Variants in OR4M1 observed in about 807,000 individuals in gnomAD.
OR4M1 encodes olfactory receptor 4M1.
Under a neutral mutation model 9.8 loss-of-function variants are expected in OR4M1, and 7 were observed. That is an observed-to-expected ratio of 0.71 (90% CI 0.41 to 1.34). The LOEUF is 1.34. Ranked by LOEUF, OR4M1 falls within the 40% of genes most tolerant of loss-of-function variation. The probability of loss-of-function intolerance (pLI) is 0.01; values close to 1 mark genes in which losing one functional copy is unlikely to be tolerated. For missense variants in OR4M1, 331 were observed against 380.4 expected (o/e 0.87, Z 1.08); for synonymous variants, 121 against 139.8 (o/e 0.87, Z 0.95).
At chr14:19,778,652 C>T (rs1878378824) in intron 1 of OR4M1, among the ~76,000 whole-genome samples, 1 of 152,210 alleles carries the variant, frequency 6.6e-6, no homozygotes, top group South Asian at 2.1e-4. Context: ...TAGTATATAA[C>T]TAGCTCAAGC....
chr14:19,775,998 C>T (rs1878299759), intron 1 of OR4M1, among the ~76,000 whole-genome samples: 1 of 152,090 alleles, frequency 6.6e-6, no homozygotes, highest in East Asian at 1.9e-4. Flanking sequence ...TTATTTATGA[C>T]ACTCGAGGTC....
rs1878495512 is a variant in OR4M1 at position 19,781,411 on chromosome 14, A to G, written c.*147A>G. 1.3e-5 allele frequency: 10 copies of G among 780,526 alleles called. No homozygotes were observed. The highest frequency in any genetic ancestry group is 3.2e-5 in the Admixed American group (1 of 30,874). 48.4% of individuals were successfully genotyped at this position (780,526 alleles called of 1,614,324 possible). A position where few individuals can be genotyped will look rare whatever the true frequency, so the allele number is the denominator to read the frequency against. On this transcript the variant is annotated 3_prime_UTR_variant, in exon 2 of 2. Coordinates refer to ENST00000641200, the MANE Select transcript of OR4M1 (RefSeq NM_001005500.2). ...TTTTTCTCTATTAATTCCTCTTTAT[A>G]TTGAAAAAATAGAGGCATTAAGATG... is the stretch of plus-strand genomic sequence containing the variant.
rs1231861359 is a variant in OR4M1 at position 19,782,366 on chromosome 14, A to G, written c.*1102A>G. The G allele has an allele frequency of 2.6e-5, 4 of 152,248 alleles. No individual in the cohort carries two copies. Among genetic ancestry groups the G allele is most frequent in the African/African-American group, 9.6e-5 (4 of 41,468 alleles). 9.4% of individuals were successfully genotyped at this position (152,248 alleles called of 1,614,324 possible). A position where few individuals can be genotyped will look rare whatever the true frequency, so the allele number is the denominator to read the frequency against. On this transcript the variant is annotated 3_prime_UTR_variant, in exon 2 of 2. Coordinates refer to ENST00000641200, the MANE Select transcript of OR4M1 (RefSeq NM_001005500.2). Reference sequence around the variant, plus strand: ...TAGGTTATGTTTTTTACTTAAATTTATTAGTTTTTCATTTCAAAACTAGGA... The same window carrying G: ...TAGGTTATGTTTTTTACTTAAATTTGTTAGTTTTTCATTTCAAAACTAGGA...
intron 1 of OR4M1, among the ~76,000 whole-genome samples, chr14:19,775,735 T>C (rs1878292386): frequency 6.8e-6 from 1 of 147,452 alleles, no homozygotes; most frequent in Non-Finnish European, 1.5e-5. Flanking sequence ...TAATAATATA[T>C]TAATGTATAT....
In OR4M1 at chr14:19,780,482, C is replaced by T. The variant is rs1165048174; in HGVS notation, c.160C>T (p.His54Tyr). 4 of 1,614,086 alleles carry T rather than the reference C, an allele frequency of 2.5e-6. No homozygotes were observed. Among genetic ancestry groups the T allele is most frequent in the South Asian group, 2.2e-5 (2 of 91,090 alleles). Residue 54 changes from histidine (H) to tyrosine (Y), a missense_variant, in exon 2 of 2, where the codon CAT becomes TAT. His to Tyr is a moderately conservative substitution (Grantham distance 83). This residue lies in a region of OR4M1 where 209 missense variants were observed against 200.0 expected (regional missense o/e 1.04). Coordinates refer to ENST00000641200, the MANE Select transcript of OR4M1 (RefSeq NM_001005500.2). ...CATTTGCACCATCAGGCTAGACCCT[C>T]ATCTGACTTCTCCTATGTATTTCCT... The part of the protein sequence containing the change: ...LIICTIRLDP[H>Y]LTSPMYFLLA...
chr14:19,779,684 T>C (rs999723281), intron 1 of OR4M1, among the ~76,000 whole-genome samples: 2 of 152,212 alleles, frequency 1.3e-5, no homozygotes, highest in African/African-American at 4.8e-5. Context: ...AAGAATTTTT[T>C]ATATAGGGCC....
chr14:19,774,681 G>T (rs1275733988), intron 1 of OR4M1, among the ~76,000 whole-genome samples: 1 of 152,150 alleles, frequency 6.6e-6, no homozygotes, highest in Admixed American at 6.6e-5. Flanking sequence ...AATAGATGAA[G>T]GATTTAAAAA....
At chr14:19,778,768 GT>G in intron 1 of OR4M1, among the ~76,000 whole-genome samples, 1 of 152,276 alleles carries the variant, frequency 6.6e-6, no homozygotes, top group East Asian at 1.9e-4. Context: ...TAAGATCATT[GT>G]TTTTTGGAAT....
intron 1 of OR4M1, among the ~76,000 whole-genome samples, chr14:19,779,230 G>A (rs1375265541): frequency 6.6e-6 from 1 of 152,194 alleles, no homozygotes; most frequent in African/African-American, 2.4e-5. Context: ...TGGTTTTACA[G>A]AACCTTAACT....
Position 19,780,792 on chromosome 14 carries a change from T to C in OR4M1, c.470T>C (p.Ile157Thr), listed in dbSNP as rs143702311. 9.1e-4 allele frequency: 1,466 copies of C among 1,613,878 alleles called. 4 individuals carry two copies. The Middle Eastern group carries it at 0.014, about 16-fold the overall frequency. Residue 157 changes from isoleucine to threonine, a missense_variant, in exon 2 of 2, where the codon ATA becomes ACA. Ile to Thr is a moderately conservative substitution (Grantham distance 89, BLOSUM62 -1). Transcript: ENST00000641200. ...TGGATGGGGGGCTTCATTCATTCTA[T>C]AATACAGGTGGCTCTCATTGTTCGA... ...LSWMGGFIHS[I>T]IQVALIVRLP...
At chr14:19,775,752 ATATT>A (rs1878292899) in intron 1 of OR4M1, among the ~76,000 whole-genome samples, 1 of 147,674 alleles carries the variant, frequency 6.8e-6, no homozygotes, top group African/African-American at 2.5e-5. Flanking sequence ...ATATTACTAT[ATATT>A]AATTTTAATA....
At position 19,780,642 on chromosome 14, in the gene OR4M1, T is replaced by C. The variant is rs200173920; in HGVS notation, c.320T>C (p.Val107Ala). The C allele has an allele frequency of 1.1e-5, 17 of 1,614,140 alleles. No individual in the cohort carries two copies. The African/African-American group carries it at 1.6e-4, about 15-fold the overall frequency. ...CIAQLFFLHF[V>A]GASEMFLLTV... ...GCACAGCTCTTCTTCTTACACTTTG[T>C]TGGGGCTTCGGAGATGTTCTTGCTC... Residue 107 changes from valine to alanine, a missense_variant, in exon 2 of 2, where the codon GTT (valine) becomes GCT (alanine). Around this residue, in one of 2 missense-constraint regions of OR4M1, gnomAD observed 209 missense variants for 200.0 expected, o/e 1.04. Coordinates refer to ENST00000641200, the MANE Select transcript of OR4M1 (RefSeq NM_001005500.2).
At position 19,780,978 on chromosome 14, in the gene OR4M1, C is replaced by T. The variant is rs374347736; in HGVS notation, c.656C>T (p.Ala219Val). Residue 219 changes from alanine to valine, a missense_variant, in exon 2 of 2, where the codon GCC (alanine) becomes GTC (valine). By Grantham distance (64) the Ala-to-Val change is moderately conservative. Coordinates refer to ENST00000641200, the MANE Select transcript of OR4M1 (RefSeq NM_001005500.2). ...VCFIALLMSY[A>V]FLLALLKKHS... ...TTCATTGCTCTGTTAATGTCCTATG[C>T]CTTCCTTCTGGCCTTGCTCAAGAAA... 8 of 1,614,070 alleles carry T rather than the reference C, an allele frequency of 5.0e-6. No homozygotes were observed. The highest frequency in any genetic ancestry group is 5.1e-6 in the Non-Finnish European group (6 of 1,180,022).
At chr14:19,776,332 C>G (rs1001505290) in intron 1 of OR4M1, among the ~76,000 whole-genome samples, 1 of 152,228 alleles carries the variant, frequency 6.6e-6, no homozygotes, top group African/African-American at 2.4e-5. Flanking sequence ...CTCAACATCA[C>G]GCAGATTCTT....
chr14:19,776,989 T>C (rs933644834), intron 1 of OR4M1, among the ~76,000 whole-genome samples: 1 of 143,376 alleles, frequency 7.0e-6, no homozygotes, highest in Non-Finnish European at 1.5e-5. Context: ...CAAATAGTTA[T>C]TGCTGTATTG....
chr14:19,775,805 TATAATA>T (rs1160502968), intron 1 of OR4M1, among the ~76,000 whole-genome samples: 1 of 144,194 alleles, frequency 6.9e-6, no homozygotes, highest in African/African-American at 2.5e-5. Context: ...TTAAATATAA[TATAATA>T]ATAATAATAA....
chr14:19,773,733 T>C (rs1250056363), intron 1 of OR4M1, 140 bp downstream of exon 1: 1 of 152,516 alleles, frequency 6.6e-6, no homozygotes, highest in African/African-American at 2.4e-5. Flanking sequence ...AGGAAATGTC[T>C]TAGGGAACTG....
In OR4M1 at chr14:19,781,137, T is replaced by G; in HGVS notation, c.815T>G (p.Val272Gly). Reference sequence around the variant, plus strand: ...TTTGACTCATTTTCCCTAGATAAAGTGGTGTCTGTGTTTCATACTGTAATA... The same window carrying G: ...TTTGACTCATTTTCCCTAGATAAAGGGGTGTCTGTGTTTCATACTGTAATA... ...RPFDSFSLDK[V>G]VSVFHTVIFP... The change falls in exon 2 of 2, where the codon GTG becomes GGG. Residue 272 changes from valine to glycine, a missense_variant. By Grantham distance (109) the Val-to-Gly change is moderately radical. Transcript: ENST00000641200. 2.5e-6 allele frequency: 4 copies of G among 1,614,250 alleles called. No homozygotes were observed. Among genetic ancestry groups the G allele is most frequent in the Non-Finnish European group, 3.4e-6 (4 of 1,180,042 alleles).
At chr14:19,777,386 C>A (rs1365878498) in intron 1 of OR4M1, among the ~76,000 whole-genome samples, 3 of 152,182 alleles carry the variant, frequency 2.0e-5, no homozygotes, top group Middle Eastern at 3.4e-3. Context: ...CAACTCAGAA[C>A]CTTTTCTAAA....
Sources: allele counts gnomAD v4.1 joint callset (sites outside exome capture counted in the v4.1 genomes callset), GRCh38; gene constraint gnomAD v4.1.1; regional missense constraint gnomAD v4.1.1; transcripts MANE v1.5; gene names NCBI Gene and HGNC (gene_info 2026-07-23, HGNC 2026-07-21).